Variants in UQCR11 observed in about 807,000 individuals in gnomAD.
The protein encoded by UQCR11 is ubiquinol-cytochrome c reductase, complex III subunit XI.
A neutral mutation model predicts 7.6 loss-of-function variants in UQCR11; 10 were observed. The observed-to-expected ratio is 1.31, with a 90% CI of 0.81 to 2.22. UQCR11 has a LOEUF of 2.22. Among genes scored for constraint, UQCR11 ranks in the 30% most tolerant of loss-of-function variants. The pLI, the probability that UQCR11 is intolerant of heterozygous loss-of-function variation, is 0.00. For missense variants in UQCR11, 86 were observed against 75.1 expected (o/e 1.15, Z -0.54); for synonymous variants, 34 against 34.9 (o/e 0.97, Z 0.09).
At chr19:1,605,249 C>T (rs904270164) in intron 1 of UQCR11, 111 bp downstream of exon 1, 21 of 1,300,124 alleles carry the variant, frequency 1.6e-5, no homozygotes, top group Non-Finnish European at 2.1e-5. Flanking sequence ...CAACAAGGGA[C>T]CTGGGCCCGG....
chr19:1,603,745 G>A (rs1342381882), intron 1 of UQCR11, among the ~76,000 whole-genome samples: 5 of 152,184 alleles, frequency 3.3e-5, no homozygotes, highest in African/African-American at 1.2e-4. Context: ...GCTACCATGG[G>A]CCACTGGGTT....
chr19:1,601,618 GAAGA>G (rs1440221121), intron 1 of UQCR11, among the ~76,000 whole-genome samples: 2 of 124,252 alleles, frequency 1.6e-5, no homozygotes, highest in Non-Finnish European at 3.4e-5. Flanking sequence ...AAAAAAAAAG[GAAGA>G]AATAAATGAA....
intron 2 of UQCR11, chr19:1,599,100 G>A (rs2060739564): frequency 3.5e-6 from 1 of 288,280 alleles, no homozygotes. Context: ...CTGTAACATG[G>A]GCCCCACCCA....
intron 2 of UQCR11, chr19:1,599,061 G>A: frequency 4.0e-6 from 1 of 247,594 alleles, no homozygotes; most frequent in Non-Finnish European, 8.1e-6. Flanking sequence ...TCCAGCCACT[G>A]TGGGCCAGCC....
At chr19:1,601,818 T>C (rs1437212005) in intron 1 of UQCR11, among the ~76,000 whole-genome samples, 4 of 152,094 alleles carry the variant, frequency 2.6e-5, no homozygotes. Flanking sequence ...CACACAGCAC[T>C]AGATAACAAT....
At chr19:1,604,934 C>G (rs1306894675) in intron 1 of UQCR11, among the ~76,000 whole-genome samples, 3 of 152,276 alleles carry the variant, frequency 2.0e-5, no homozygotes, top group Non-Finnish European at 4.4e-5. Flanking sequence ...CCGCTGCCCA[C>G]GTGGGCTCAG....
intron 2 of UQCR11, among the ~76,000 whole-genome samples, chr19:1,598,553 A>G (rs1175240761): frequency 6.6e-6 from 1 of 152,104 alleles, no homozygotes. Flanking sequence ...TCAAAAAAAA[A>G]AAAAAAAATT....
In UQCR11 at chr19:1,597,374, C is replaced by G. The variant is rs1414452452; in HGVS notation, c.*870G>C. ...TCCCTAATGTGACAGTTTGAAATGT[C>G]TACCAATTCTGATATTCTTCCCTTC... On this transcript the variant is annotated 3_prime_UTR_variant, in exon 3 of 3. Transcript: ENST00000591899. The G allele has an allele frequency of 6.6e-6, 1 of 152,112 alleles. No individual in the cohort carries two copies. The highest frequency in any genetic ancestry group is 1.5e-5 in the Non-Finnish European group (1 of 68,028). The allele number at this position is 152,112 out of a possible 1,614,324, so 9.4% of individuals were successfully genotyped here.
At chr19:1,600,338 C>T (rs1251068961) in intron 1 of UQCR11, among the ~76,000 whole-genome samples, 5 of 151,958 alleles carry the variant, frequency 3.3e-5, no homozygotes, top group South Asian at 2.1e-4. Flanking sequence ...CTCAGCCTCC[C>T]GAGTAGCTGG....
At position 1,599,270 on chromosome 19, in the gene UQCR11, C is replaced by T. The variant is rs531090283; in HGVS notation, c.*28+142G>A. 30 of 1,153,158 alleles carry T rather than the reference C, an allele frequency of 2.6e-5. No individual in the cohort carries two copies. In the Admixed American group the frequency reaches 4.1e-4, roughly 16 times the overall value. 71.4% of individuals were successfully genotyped at this position (1,153,158 alleles called of 1,614,324 possible). A position where few individuals can be genotyped will look rare whatever the true frequency, so the allele number is the denominator to read the frequency against. On this transcript the variant is annotated intron_variant, in intron 2 of 2. Transcript: ENST00000591899. ...GGGCCGGAGATGCCAGAAGGGGCACCCAGGGCCCCACTCTCGAATGCAGGT... is the reference window on the plus strand; with the variant it reads ...GGGCCGGAGATGCCAGAAGGGGCACTCAGGGCCCCACTCTCGAATGCAGGT...
intron 1 of UQCR11, among the ~76,000 whole-genome samples, chr19:1,601,357 C>T (rs2060746560): frequency 6.6e-6 from 1 of 152,074 alleles, no homozygotes; most frequent in Admixed American, 6.6e-5. Flanking sequence ...AATCCCAGCA[C>T]TTTGGGAGGG....
rs1429279590 is a variant in UQCR11 at position 1,605,451 on chromosome 19, C to T, written c.-42G>A. 6.8e-7 allele frequency: 1 copy of T among 1,466,076 alleles called. No homozygotes were observed. The highest frequency in any genetic ancestry group is 9.0e-7 in the Non-Finnish European group (1 of 1,110,962). The allele number at this position is 1,466,076 out of a possible 1,614,324, so 90.8% of individuals were successfully genotyped here. ...CCTCAGGATGACCCTGTCCAGCTGA[C>T]CCGGCTACACTGCGCAGGCGCGGCC... On this transcript the variant is annotated 5_prime_UTR_variant, in exon 1 of 3. Coordinates refer to ENST00000591899, the MANE Select transcript of UQCR11 (RefSeq NM_006830.4).
intron 1 of UQCR11, among the ~76,000 whole-genome samples, chr19:1,601,379 G>A (rs1321048048): frequency 6.6e-6 from 1 of 152,040 alleles, no homozygotes; most frequent in African/African-American, 2.4e-5. Context: ...GAGGTGGGCG[G>A]ATCATGAGGT....
intron 1 of UQCR11, among the ~76,000 whole-genome samples, chr19:1,599,965 A>G (rs917965695): frequency 6.6e-6 from 1 of 152,220 alleles, no homozygotes; most frequent in African/African-American, 2.4e-5. Flanking sequence ...GACACCAAAC[A>G]ACAGACAGGG....
intron 1 of UQCR11, among the ~76,000 whole-genome samples, chr19:1,599,926 C>T (rs186536893): frequency 7.3e-4 from 112 of 152,386 alleles, no homozygotes; most frequent in Non-Finnish European, 2.1e-4. Flanking sequence ...AGGCAGGTGC[C>T]GCCATCACAG....
At chr19:1,605,145 T>A (rs909305701) in intron 1 of UQCR11, among the ~76,000 whole-genome samples, 1 of 152,120 alleles carries the variant, frequency 6.6e-6, no homozygotes, top group Admixed American at 6.5e-5. Flanking sequence ...GAGCCGGGCA[T>A]GCTGGGGTTT....
At chr19:1,603,524 G>A (rs891174964) in intron 1 of UQCR11, among the ~76,000 whole-genome samples, 1 of 152,130 alleles carries the variant, frequency 6.6e-6, no homozygotes, top group Non-Finnish European at 1.5e-5. Context: ...GGAGAATGGC[G>A]TGAACCCGGG....
chr19:1,600,465 G>T (rs1023251731), intron 1 of UQCR11, among the ~76,000 whole-genome samples: 4 of 152,040 alleles, frequency 2.6e-5, no homozygotes, highest in African/African-American at 9.7e-5. Flanking sequence ...CGCCCGCCTC[G>T]GCCTCCCAAA....
intron 1 of UQCR11, among the ~76,000 whole-genome samples, chr19:1,604,684 C>A (rs1223302919): frequency 6.6e-6 from 1 of 152,172 alleles, no homozygotes; most frequent in African/African-American, 2.4e-5. Flanking sequence ...CCCGCCACCA[C>A]GCCTGGCTAA....
Sources: gnomAD v4.1 joint callset for allele counts (sites outside exome capture counted in the v4.1 genomes callset) on GRCh38, gnomAD v4.1.1 for gene constraint, MANE v1.5 for transcripts, NCBI Gene and HGNC (gene_info 2026-07-23, HGNC 2026-07-21) for gene names.